The following QSOX2 variants were observed in gnomAD, a reference collection of about 807,000 sequenced individuals.
QSOX2 encodes sulfhydryl oxidase 2.
Under a neutral mutation model 61.7 loss-of-function variants are expected in QSOX2, and 46 were observed. That is an observed-to-expected ratio of 0.75 (90% CI 0.59 to 0.95). The LOEUF is 0.95. Ranked by LOEUF, QSOX2 falls within the 40% of genes least tolerant of loss-of-function variation. The pLI is 0.00. For missense variants in QSOX2, 879 were observed against 918.9 expected, an observed-to-expected ratio of 0.96 and a Z score of 0.56; for synonymous variants, 383 against 388.4, an observed-to-expected ratio of 0.99 and a Z score of 0.16.
intron 1 of QSOX2, among the ~76,000 whole-genome samples, chr9:136,231,568 C>T (rs561591805): frequency 7.2e-5 from 11 of 152,398 alleles, no homozygotes; most frequent in East Asian, 5.8e-4. Context: ...ATCAGCCTGG[C>T]GGCCCATCCC....
intron 3 of QSOX2, among the ~76,000 whole-genome samples, 183 bp downstream of exon 3, chr9:136,224,678 C>T (rs181287747): frequency 6.6e-6 from 1 of 152,156 alleles, no homozygotes; most frequent in Non-Finnish European, 1.5e-5. Flanking sequence ...AGGCAAAGCA[C>T]AAAATTAAAA....
chr9:136,222,074 C>A lies in QSOX2; in HGVS notation c.676-133G>T. 1.1e-6 allele frequency: 1 copy of A among 887,092 alleles called. No homozygotes were observed. 55.0% of individuals were successfully genotyped at this position (887,092 alleles called of 1,614,324 possible). A position where few individuals can be genotyped will look rare whatever the true frequency, so the allele number is the denominator to read the frequency against. ...AGTCTGTCCCCCTGCAGGCAAGACC[C>A]TCACTCAAATCTTCACTCTCATTGC... On this transcript the variant is annotated intron_variant, in intron 5 of 11. Coordinates refer to ENST00000358701, the MANE Select transcript of QSOX2 (RefSeq NM_181701.4). The surrounding 1 kb of genome is among the most constrained non-coding windows in gnomAD (Gnocchi z 6.9).
chr9:136,215,026 A>G (rs1273938847), intron 10 of QSOX2, 128 bp downstream of exon 10: 1 of 1,166,976 alleles, frequency 8.6e-7, no homozygotes, highest in Non-Finnish European at 1.2e-6. Flanking sequence ...CTGAAGTGCC[A>G]TTCCCCTGCC....
At chr9:136,228,453 G>A (rs1362748784) in intron 1 of QSOX2, among the ~76,000 whole-genome samples, 1 of 152,212 alleles carries the variant, frequency 6.6e-6, no homozygotes, top group Non-Finnish European at 1.5e-5. Flanking sequence ...CTTCCTCTGG[G>A]ATGTAAAAAT....
At position 136,207,308 on chromosome 9, in the gene QSOX2, T is replaced by C. The variant is rs1831777480; in HGVS notation, c.*1420A>G. On this transcript the variant is annotated 3_prime_UTR_variant, in exon 12 of 12. Transcript: ENST00000358701. The stretch of plus-strand genomic sequence containing the variant: ...TTAGTAAACACATGATTATACAACA[T>C]AAAGTAGGCAAAGCGGAAAAAATAT... 1 of 151,552 alleles carries C rather than the reference T, an allele frequency of 6.6e-6. No individual in the cohort carries two copies. Among genetic ancestry groups the C allele is most frequent in the East Asian group, 1.9e-4 (1 of 5,284 alleles). 9.4% of individuals were successfully genotyped at this position (151,552 alleles called of 1,614,324 possible).
chr9:136,226,479 CT>C (rs1830282384), intron 2 of QSOX2, among the ~76,000 whole-genome samples: 1 of 152,224 alleles, frequency 6.6e-6, no homozygotes, highest in African/African-American at 2.4e-5. Flanking sequence ...CTTGCGCCCC[CT>C]GGCCGTGCAG....
chr9:136,228,763 T>C (rs1410112392), intron 1 of QSOX2, among the ~76,000 whole-genome samples: 2 of 152,256 alleles, frequency 1.3e-5, no homozygotes, highest in African/African-American at 2.4e-5. Context: ...GCCCAGTGAT[T>C]TCTGAACGGG....
At chr9:136,232,558 A>G (rs1433424658) in intron 1 of QSOX2, among the ~76,000 whole-genome samples, 1 of 152,212 alleles carries the variant, frequency 6.6e-6, no homozygotes, top group Non-Finnish European at 1.5e-5. Context: ...AAAAGTTACA[A>G]TGCATCAAAA....
Position 136,223,918 on chromosome 9 carries a change from A to ATGTG in QSOX2, c.585-66_585-65insCACA. 6.4e-7 allele frequency: 1 copy of ATGTG among 1,553,596 alleles called. No homozygotes were observed. The highest frequency in any genetic ancestry group is 8.9e-7 in the Non-Finnish European group (1 of 1,125,638). On this transcript the variant is annotated intron_variant, in intron 4 of 11. Transcript: ENST00000358701. This position sits in a 1 kb window ranked among gnomAD's most constrained non-coding sequence, Gnocchi z 4.4. ...AGCAGCGAGTTGGCCACCACATCCC[A>ATGTG]GTGGCCACATCACTTAATAGAAACC...
chr9:136,222,569 GC>G lies in QSOX2; in HGVS notation c.676-629del, dbSNP rs933976705. ...CCCTGGCTAAAGGTGTGAACTGGGC[GC>G]CCCGCGTGGCCGTGCCTCTCCTGAG... is the stretch of plus-strand genomic sequence containing the variant. On this transcript the variant is annotated intron_variant, in intron 5 of 11. Transcript: ENST00000358701. This position sits in a 1 kb window ranked among gnomAD's most constrained non-coding sequence, Gnocchi z 6.9. 6.6e-6 allele frequency among the ~76,000 whole-genome samples: 1 copy of G among 152,234 alleles called. No individual in the cohort carries two copies. The highest frequency in any genetic ancestry group is 1.5e-5 in the Non-Finnish European group (1 of 68,040).
chr9:136,215,095 G>A, intron 10 of QSOX2, 59 bp downstream of exon 10: 1 of 1,579,572 alleles, frequency 6.3e-7, no homozygotes, highest in Non-Finnish European at 8.6e-7. Context: ...GCACACACCG[G>A]CTGGGTTAAC....
chr9:136,232,223 C>T lies in QSOX2; in HGVS notation c.329-5349G>A, dbSNP rs751344320. Among the ~76,000 whole-genome samples, 8 of 152,174 alleles carry T rather than the reference C, an allele frequency of 5.3e-5. No individual in the cohort carries two copies. In the East Asian group the frequency reaches 9.6e-4, roughly 18 times the overall value. On this transcript the variant is annotated intron_variant, in intron 1 of 11. Transcript: ENST00000358701. ...ACTTCGCGTGGCAGTTTGCAGGAACCGTTGAGGCTGTGCAGTGAGCGCTTT... is the reference window on the plus strand; with the variant it reads ...ACTTCGCGTGGCAGTTTGCAGGAACTGTTGAGGCTGTGCAGTGAGCGCTTT...
intron 8 of QSOX2, among the ~76,000 whole-genome samples, chr9:136,217,362 G>A (rs1403603746): frequency 3.9e-5 from 6 of 152,296 alleles, no homozygotes; most frequent in East Asian, 1.9e-4. Context: ...CCGAAAACCC[G>A]AGCTGAAATC....
intron 1 of QSOX2, among the ~76,000 whole-genome samples, chr9:136,244,721 G>A (rs547884347): frequency 1.3e-5 from 2 of 152,314 alleles, no homozygotes; most frequent in South Asian, 4.1e-4. Flanking sequence ...GGTTAACAAC[G>A]TGCGACCAGA....
intron 1 of QSOX2, among the ~76,000 whole-genome samples, chr9:136,232,192 C>T (rs1266706725): frequency 6.6e-6 from 1 of 152,168 alleles, no homozygotes; most frequent in East Asian, 1.9e-4. Context: ...CTGCCGTCTT[C>T]CTTGCACTTC....
intron 10 of QSOX2, among the ~76,000 whole-genome samples, chr9:136,213,827 C>T (rs1195571614): frequency 2.0e-5 from 3 of 152,312 alleles, no homozygotes; most frequent in East Asian, 1.9e-4. Context: ...TTCAGGAGTA[C>T]GAGGCATTCC....
chr9:136,217,655 T>C (rs1355689802), intron 8 of QSOX2, among the ~76,000 whole-genome samples: 1 of 152,194 alleles, frequency 6.6e-6, no homozygotes, highest in Non-Finnish European at 1.5e-5. Context: ...CAAGCCTAAC[T>C]AGACTAAGGG....
intron 9 of QSOX2, 106 bp downstream of exon 9, chr9:136,216,494 A>G: frequency 6.8e-7 from 1 of 1,464,304 alleles, no homozygotes. Flanking sequence ...CCCCTTCCTC[A>G]CAGCGGAGCC....
intron 1 of QSOX2, among the ~76,000 whole-genome samples, chr9:136,230,750 G>C (rs1175292111): frequency 6.6e-6 from 1 of 152,106 alleles, no homozygotes; most frequent in Non-Finnish European, 1.5e-5. Context: ...ATTCTGAACC[G>C]AGCTGGAAGG....
Sources: allele counts gnomAD v4.1 joint callset (sites outside exome capture counted in the v4.1 genomes callset), GRCh38; gene constraint gnomAD v4.1.1; non-coding constraint Gnocchi (gnomAD v3.1); transcripts MANE v1.5; gene names NCBI Gene and HGNC (gene_info 2026-07-23, HGNC 2026-07-21).